THOC5: variants seen among roughly 807,000 people sequenced by gnomAD.
THOC5 encodes Fms-interacting protein.
A neutral mutation model predicts 92.9 loss-of-function variants in THOC5; 43 were observed. The ratio of observed to expected loss-of-function variants is 0.46; its 90% CI spans 0.36 to 0.60. The LOEUF is 0.60. THOC5 is among the 20% of genes least tolerant of loss of function. The probability of loss-of-function intolerance (pLI) is 0.00; values close to 1 mark genes in which losing one functional copy is unlikely to be tolerated. For missense variants in THOC5, 659 were observed against 849.4 expected (o/e 0.78, Z 2.79); for synonymous variants, 296 against 320.1 (o/e 0.92, Z 0.80).
intron 6 of THOC5, 132 bp downstream of exon 6, chr22:29,539,198 G>A: frequency 1.1e-6 from 1 of 903,808 alleles, no homozygotes; most frequent in Non-Finnish European, 1.7e-6. Context: ...TATCCAGTGT[G>A]ATTTAATCAT....
intron 2 of THOC5, among the ~76,000 whole-genome samples, chr22:29,548,435 G>C (rs1042580236): frequency 1.3e-5 from 2 of 152,088 alleles, no homozygotes; most frequent in African/African-American, 4.8e-5. Flanking sequence ...TGCAGCTGTG[G>C]TCCCAGCTAC....
At chr22:29,530,714 C>T (rs1363978745) in intron 8 of THOC5, among the ~76,000 whole-genome samples, 1 of 152,154 alleles carries the variant, frequency 6.6e-6, no homozygotes, top group Non-Finnish European at 1.5e-5. Flanking sequence ...CTGTTGCATA[C>T]ACCAGGTATG....
chr22:29,507,324 T>A lies in THOC5; in HGVS notation c.*1133A>T, dbSNP rs1197577755. The stretch of plus-strand genomic sequence containing the variant: ...GTGAAGACCTTTATGGTGATCCACT[T>A]CTACTTAATAGTAGATATATATTTT... On this transcript the variant is annotated 3_prime_UTR_variant, in exon 20 of 20. Transcript: ENST00000490103. 1 of 152,202 alleles carries A rather than the reference T, an allele frequency of 6.6e-6. No homozygotes were observed. Among genetic ancestry groups the A allele is most frequent in the Non-Finnish European group, 1.5e-5 (1 of 68,044 alleles). The allele number at this position is 152,202 out of a possible 1,614,324, so 9.4% of individuals were successfully genotyped here.
chr22:29,529,348 G>A (rs1270270888), intron 8 of THOC5, 109 bp from the exon 9 acceptor site: 3 of 1,174,028 alleles, frequency 2.6e-6, no homozygotes, highest in East Asian at 4.7e-5. Context: ...CCAGCTCCTT[G>A]CTGACTAAGG....
chr22:29,531,865 G>A lies in THOC5; in HGVS notation c.813C>T (p.Leu271=). ...GCCCATACGCAGTGGCCTGAACAAA[G>A]AGGACATAGAGGGGAGGCGGCAGGT... ...ARHLPPPLYV[L]FVQATAYGQA... Residue 271 remains leucine, a synonymous_variant, in exon 8 of 20, where the codon CTC becomes CTT. Transcript: ENST00000490103. The A allele has an allele frequency of 6.2e-7, 1 of 1,614,186 alleles. No individual in the cohort carries two copies. Among genetic ancestry groups the A allele is most frequent in the Non-Finnish European group, 8.5e-7 (1 of 1,180,036 alleles).
At chr22:29,517,415 C>G in intron 15 of THOC5, 49 bp from the exon 16 acceptor site, 1 of 1,537,808 alleles carries the variant, frequency 6.5e-7, no homozygotes, top group Non-Finnish European at 8.9e-7. Context: ...TCAGGTGCCA[C>G]AGATGGGTAA....
Position 29,520,991 on chromosome 22 carries a change from G to A in THOC5, c.1277+7C>T. 7 of 1,610,852 alleles carry A rather than the reference G, an allele frequency of 4.3e-6. No homozygotes were observed. The highest frequency in any genetic ancestry group is 1.1e-5 in the South Asian group (1 of 90,972). ...AGAGCTCGGAGAGGAGGAAACTGCT[G>A]ACTCACCCAACTTTATCAAACTGAT... On this transcript the variant is annotated splice_region_variant and intron_variant, in intron 13 of 19. Coordinates refer to ENST00000490103, the MANE Select transcript of THOC5 (RefSeq NM_003678.5).
chr22:29,540,104 ACC>A (rs1224054573), intron 5 of THOC5, among the ~76,000 whole-genome samples: 2 of 152,094 alleles, frequency 1.3e-5, no homozygotes, highest in African/African-American at 2.4e-5. Context: ...ACAAGGTGAA[ACC>A]CCGTCTCTAC....
intron 12 of THOC5, among the ~76,000 whole-genome samples, chr22:29,522,924 C>T (rs2063473282): frequency 6.6e-6 from 1 of 152,116 alleles, no homozygotes; most frequent in Non-Finnish European, 1.5e-5. Flanking sequence ...CTGCATGAAC[C>T]CAGGAGGCGG....
intron 5 of THOC5, among the ~76,000 whole-genome samples, chr22:29,540,007 C>T (rs569391915): frequency 2.6e-5 from 4 of 152,280 alleles, no homozygotes; most frequent in East Asian, 3.9e-4. Context: ...CTGCCAGGCG[C>T]GGTGGCTCAC....
chr22:29,544,001 A>G (rs1260112951), intron 3 of THOC5, among the ~76,000 whole-genome samples: 1 of 150,040 alleles, frequency 6.7e-6, no homozygotes, highest in Non-Finnish European at 1.5e-5. Flanking sequence ...TTCCTGGGGG[A>G]AAAAATGGAT....
intron 1 of THOC5, among the ~76,000 whole-genome samples, chr22:29,551,510 C>T (rs1183647027): frequency 6.6e-6 from 1 of 152,092 alleles, no homozygotes; most frequent in Admixed American, 6.6e-5. Flanking sequence ...GAAACCAAGG[C>T]AAGCAGAGGT....
intron 19 of THOC5, 46 bp from the exon 20 acceptor site, chr22:29,508,566 C>T: frequency 1.3e-6 from 2 of 1,515,588 alleles, no homozygotes; most frequent in Non-Finnish European, 1.8e-6. Context: ...ACCTTCTAGG[C>T]TGATAAAATA....
chr22:29,511,458 C>A (rs1238927925), intron 18 of THOC5, 162 bp from the exon 19 acceptor site: 7 of 671,884 alleles, frequency 1.0e-5, no homozygotes, highest in Non-Finnish European at 1.5e-5. Flanking sequence ...TGTCCTCAGG[C>A]CCCCTCATCA....
intron 7 of THOC5, chr22:29,535,000 G>A (rs2063730525): frequency 6.6e-6 from 1 of 151,118 alleles, no homozygotes; most frequent in African/African-American, 2.4e-5. Flanking sequence ...CGGGTGTGGG[G>A]GCTCATGCCT....
chr22:29,550,888 C>T (rs1386660046), intron 1 of THOC5: 1 of 152,156 alleles, frequency 6.6e-6, no homozygotes, highest in East Asian at 1.9e-4. Flanking sequence ...TTTGAAACTT[C>T]TGATTGCTTC....
chr22:29,533,581 T>C (rs532947105), intron 7 of THOC5, among the ~76,000 whole-genome samples: 1 of 152,256 alleles, frequency 6.6e-6, no homozygotes, highest in African/African-American at 2.4e-5. Flanking sequence ...ATTAGGAACA[T>C]GCACTCATTA....
chr22:29,552,675 G>A (rs959343333), intron 1 of THOC5, among the ~76,000 whole-genome samples: 9 of 151,236 alleles, frequency 6.0e-5, no homozygotes, highest in Non-Finnish European at 1.0e-4. Context: ...GGGCGCCTCT[G>A]CCCGGCCGCC....
Position 29,512,017 on chromosome 22 carries a change from T to C in THOC5, c.1797+4A>G, listed in dbSNP as rs754124874. ...TCCTCCTGTCATCCCCAGCTGGGTC[T>C]TACCCGAATGTTGTCATCGTTGCTG... On this transcript the variant is annotated splice_donor_region_variant and intron_variant, in intron 18 of 19. Transcript: ENST00000490103. 2 of 1,613,356 alleles carry C rather than the reference T, an allele frequency of 1.2e-6. No individual in the cohort carries two copies. Among genetic ancestry groups the C allele is most frequent in the Admixed American group, 1.7e-5 (1 of 59,990 alleles).
Sources: allele counts gnomAD v4.1 joint callset (sites outside exome capture counted in the v4.1 genomes callset), GRCh38; gene constraint gnomAD v4.1.1; transcripts MANE v1.5; gene names NCBI Gene and HGNC (gene_info 2026-07-23, HGNC 2026-07-21).